Variants in ZNF444 observed in about 807,000 individuals in gnomAD.
The protein encoded by ZNF444 is zinc finger protein 444, also known as endothelial zinc finger protein 2.
Under a neutral mutation model 14.4 loss-of-function variants are expected in ZNF444, and 8 were observed. The ratio of observed to expected loss-of-function variants is 0.56; its 90% CI spans 0.33 to 1.00. ZNF444 has a LOEUF of 1.00. Among genes scored for constraint, ZNF444 ranks in the 50% least tolerant of loss-of-function variants. The pLI, the probability that ZNF444 is intolerant of heterozygous loss-of-function variation, is 0.03. For synonymous variants in ZNF444, 258 were observed against 235.9 expected (o/e 1.09, Z -0.86); for missense variants, 510 against 504.8 (o/e 1.01, Z -0.10).
At chr19:56,152,206 C>T (rs1040498398) in intron 3 of ZNF444, among the ~76,000 whole-genome samples, 21 of 152,058 alleles carry the variant, frequency 1.4e-4, no homozygotes, top group African/African-American at 5.1e-4. Flanking sequence ...GTGGCACATG[C>T]CTGTAATCCC....
In ZNF444 at chr19:56,159,716, C is replaced by A; in HGVS notation, c.499C>A (p.Pro167Thr). The change falls in exon 5 of 5, where the codon CCT becomes ACT. Residue 167 changes from proline to threonine, a missense_variant. By Grantham distance (38) the Pro-to-Thr change is conservative. Transcript: ENST00000337080. The stretch of plus-strand genomic sequence containing the variant: ...GGAGCCCAGCAGCCCCCCGCTGGCG[C>A]CTGGCCTGCCCGCCTTCCTAGCGGC... ...KQEPSSPPLA[P>T]GLPAFLAAPG... is the part of the protein sequence containing the mutation. 1 of 1,561,300 alleles carries A rather than the reference C, an allele frequency of 6.4e-7. No individual in the cohort carries two copies. Among genetic ancestry groups the A allele is most frequent in the South Asian group, 1.2e-5 (1 of 85,618 alleles).
At position 56,159,707 on chromosome 19, in the gene ZNF444, C is replaced by G. The variant is rs781619329; in HGVS notation, c.490C>G (p.Pro164Ala). 194 of 1,551,126 alleles carry G rather than the reference C, an allele frequency of 1.3e-4. No individual in the cohort carries two copies. The highest frequency in any genetic ancestry group is 1.6e-4 in the Non-Finnish European group (179 of 1,152,846). Reference protein sequence around the residue: ...RPYKQEPSSPPLAPGLPAFLA... With the variant: ...RPYKQEPSSPALAPGLPAFLA... ...CTACAAGCAGGAGCCCAGCAGCCCC[C>G]CGCTGGCGCCTGGCCTGCCCGCCTT... is the stretch of plus-strand genomic sequence containing the variant. The change falls in exon 5 of 5, where the codon CCG becomes GCG. Residue 164 changes from proline to alanine, a missense_variant. Coordinates refer to ENST00000337080, the MANE Select transcript of ZNF444 (RefSeq NM_018337.4).
intron 1 of ZNF444, among the ~76,000 whole-genome samples, chr19:56,133,384 C>T (rs1461157829): frequency 2.6e-5 from 4 of 152,080 alleles, no homozygotes; most frequent in Non-Finnish European, 5.9e-5. Context: ...GAATGCCCTT[C>T]TTGAGCCTCA....
intron 1 of ZNF444, among the ~76,000 whole-genome samples, chr19:56,136,032 A>C (rs955357456): frequency 1.6e-4 from 21 of 134,904 alleles, no homozygotes; most frequent in Non-Finnish European, 2.9e-4. Flanking sequence ...CAGTGAGCCA[A>C]GATCTCACCA....
At chr19:56,148,616 C>T (rs956280194) in intron 3 of ZNF444, among the ~76,000 whole-genome samples, 11 of 152,132 alleles carry the variant, frequency 7.2e-5, no homozygotes, top group African/African-American at 1.2e-4. Flanking sequence ...GGATACAGCT[C>T]GCCCCTCCTC....
At chr19:56,148,292 G>C (rs867765292) in intron 3 of ZNF444, among the ~76,000 whole-genome samples, 6 of 152,110 alleles carry the variant, frequency 3.9e-5, no homozygotes, top group Admixed American at 1.3e-4. Flanking sequence ...GAGCCACCTC[G>C]AGCGGCACAG....
chr19:56,143,091 A>G (rs1366445969), intron 1 of ZNF444, among the ~76,000 whole-genome samples: 1 of 152,238 alleles, frequency 6.6e-6, no homozygotes, highest in Non-Finnish European at 1.5e-5. Flanking sequence ...GGACACAGAC[A>G]GCTAGACAGC....
intron 3 of ZNF444, among the ~76,000 whole-genome samples, chr19:56,154,068 G>A (rs139459836): frequency 3.7e-4 from 56 of 152,320 alleles, no homozygotes; most frequent in African/African-American, 1.1e-3. Flanking sequence ...TTTGACAACC[G>A]TTGAGAACAC....
At chr19:56,158,462 T>A in intron 3 of ZNF444, 32 bp from the exon 4 acceptor site, 2 of 1,575,978 alleles carry the variant, frequency 1.3e-6, no homozygotes, top group Non-Finnish European at 1.7e-6. Flanking sequence ...CTTGCTCAGG[T>A]TTCTGAGTTC....
At position 56,152,977 on chromosome 19, in the gene ZNF444, G is replaced by A. The variant is rs146250268; in HGVS notation, c.298-5517G>A. Reference sequence around the variant, plus strand: ...AGTCTTCTGTCCATTTTCAGACTGGGTTGTTTTCTTGCCCTGGAGATTCCT... The same window carrying A: ...AGTCTTCTGTCCATTTTCAGACTGGATTGTTTTCTTGCCCTGGAGATTCCT... On this transcript the variant is annotated intron_variant, in intron 3 of 4. Coordinates refer to ENST00000337080, the MANE Select transcript of ZNF444 (RefSeq NM_018337.4). 4.1e-3 allele frequency among the ~76,000 whole-genome samples: 631 copies of A among 152,280 alleles called. 3 individuals are homozygous for A. Among genetic ancestry groups the A allele is most frequent in the African/African-American group, 0.013 (553 of 41,554 alleles).
upstream of ZNF444, among the ~76,000 whole-genome samples, chr19:56,140,064 C>G (rs796161521): frequency 5.9e-5 from 9 of 152,314 alleles, no homozygotes; most frequent in African/African-American, 2.2e-4. Context: ...AAACTGGTCA[C>G]AAAGTTCTGA....
In ZNF444 at chr19:56,144,315, A is replaced by G. The variant is rs2031027094; in HGVS notation, c.-196-1932A>G. Among the ~76,000 whole-genome samples, 1 of 152,052 alleles carries G rather than the reference A, an allele frequency of 6.6e-6. No homozygotes were observed. Among genetic ancestry groups the G allele is most frequent in the Non-Finnish European group, 1.5e-5 (1 of 68,016 alleles). ...CAGAGAGAGACCCTGTCTTAAAAAA[A>G]AGAAAAAAGAAAAAAAGGGATCCAT... On this transcript the variant is annotated intron_variant, in intron 1 of 4. Coordinates refer to ENST00000337080, the MANE Select transcript of ZNF444 (RefSeq NM_018337.4). The surrounding 1 kb of genome is among the most constrained non-coding windows in gnomAD (Gnocchi z 4.0).
chr19:56,159,582 C>G, intron 4 of ZNF444, 42 bp from the exon 5 acceptor site: 1 of 1,414,654 alleles, frequency 7.1e-7, no homozygotes, highest in Non-Finnish European at 9.2e-7. Flanking sequence ...CCTTGCCCCG[C>G]CCTCGTGCCG....
At chr19:56,140,064 C>T (rs796161521), upstream of ZNF444, among the ~76,000 whole-genome samples, 1 of 152,196 alleles carries the variant, frequency 6.6e-6, no homozygotes, top group Non-Finnish European at 1.5e-5. Flanking sequence ...AAACTGGTCA[C>T]AAAGTTCTGA....
intron 3 of ZNF444, among the ~76,000 whole-genome samples, chr19:56,149,065 C>T (rs1371074710): frequency 6.8e-6 from 1 of 147,234 alleles, no homozygotes; most frequent in Non-Finnish European, 1.5e-5. Context: ...GCTTCCATCC[C>T]CATCACTCCT....
intron 1 of ZNF444, among the ~76,000 whole-genome samples, chr19:56,134,612 T>C (rs1010913071): frequency 2.6e-5 from 4 of 152,116 alleles, no homozygotes; most frequent in African/African-American, 9.7e-5. Context: ...GAGTATTATA[T>C]GATGTTACCA....
In ZNF444 at chr19:56,145,201, A is replaced by G. The variant is rs1041314167; in HGVS notation, c.-196-1046A>G. Among the ~76,000 whole-genome samples the G allele has an allele frequency of 2.0e-5, 3 of 152,238 alleles. No homozygotes were observed. Among genetic ancestry groups the G allele is most frequent in the Admixed American group, 6.5e-5 (1 of 15,288 alleles). On this transcript the variant is annotated intron_variant, in intron 1 of 4. Coordinates refer to ENST00000337080, the MANE Select transcript of ZNF444 (RefSeq NM_018337.4). This position sits in a 1 kb window ranked among gnomAD's most constrained non-coding sequence, Gnocchi z 4.3. ...CTTCAAAATTACTGAAGACCCTAAC[A>G]TGCTTTTATTGATGGGAGTCATATC...
intron 3 of ZNF444, among the ~76,000 whole-genome samples, chr19:56,149,495 T>A (rs1200291918): frequency 6.6e-6 from 1 of 152,174 alleles, no homozygotes; most frequent in Non-Finnish European, 1.5e-5. Flanking sequence ...ATTTATTTAT[T>A]TTACTTTAAG....
rs767781004 is a variant in ZNF444 at position 56,159,792 on chromosome 19, C to T, written c.575C>T (p.Ala192Val). 12 of 1,592,496 alleles carry T rather than the reference C, an allele frequency of 7.5e-6. No homozygotes were observed. Among genetic ancestry groups the T allele is most frequent in the Middle Eastern group, 1.7e-4 (1 of 6,036 alleles). The change falls in exon 5 of 5, where the codon GCT (alanine) becomes GTT (valine). Residue 192 changes from alanine to valine, a missense_variant. By Grantham distance (64) the Ala-to-Val change is moderately conservative (BLOSUM62 0). Transcript: ENST00000337080. ...PECGKTSLKP[A>V]HLLRHRQSHS... is the part of the protein sequence containing the mutation. ...TGCGGCAAAACGTCCCTGAAACCAG[C>T]TCACCTGCTGCGCCACCGGCAGAGC... is the stretch of plus-strand genomic sequence containing the variant.
Sources: allele counts gnomAD v4.1 joint callset (sites outside exome capture counted in the v4.1 genomes callset), GRCh38; gene constraint gnomAD v4.1.1; non-coding constraint Gnocchi (gnomAD v3.1); transcripts MANE v1.5; gene names NCBI Gene and HGNC (gene_info 2026-07-23, HGNC 2026-07-21).